ADAM12: variants seen among roughly 807,000 people sequenced by gnomAD.
ADAM12 encodes ADAM metallopeptidase domain 12, also known as disintegrin and metalloproteinase domain-containing protein 12.
ADAM12 carries 70 observed loss-of-function variants against 106.4 expected under a neutral mutation model. That is an observed-to-expected ratio of 0.66 (90% confidence interval 0.54 to 0.80). The LOEUF (loss-of-function observed/expected upper bound fraction) is 0.80. Among genes scored for constraint, ADAM12 ranks in the 30% least tolerant of loss-of-function variants. ADAM12 has a pLI of 0.00. For synonymous variants in ADAM12, 420 were observed against 433.5 expected (o/e 0.97, Z 0.39); for missense variants, 1,010 against 1,171.9 (o/e 0.86, Z 2.02).
intron 3 of ADAM12, among the ~76,000 whole-genome samples, chr10:126,167,698 A>G (rs905794745): frequency 7.2e-5 from 11 of 152,258 alleles, no homozygotes; most frequent in African/African-American, 2.4e-4. Flanking sequence ...TCTATAGACT[A>G]GAAGCAAAGT....
At chr10:126,192,378 G>A (rs942133151) in intron 3 of ADAM12, among the ~76,000 whole-genome samples, 3 of 152,204 alleles carry the variant, frequency 2.0e-5, no homozygotes, top group Non-Finnish European at 2.9e-5. Context: ...CACCCTGTCT[G>A]CTGGAGGCAC....
chr10:126,369,379 C>A (rs6597765), intron 1 of ADAM12, among the ~76,000 whole-genome samples: 145,502 of 152,278 alleles, frequency 0.96, 69,872 homozygotes, highest in East Asian at 1. Flanking sequence ...GAAGACAAAC[C>A]GTTGATTAGA....
rs572965756 is a variant in ADAM12, at chr10:126,049,309, C to T, written c.1861G>A (p.Asp621Asn). 10 of 1,614,258 alleles carry T rather than the reference C, an allele frequency of 6.2e-6. No homozygotes were observed. The highest frequency in any genetic ancestry group is 1.6e-4 in the Middle Eastern group (1 of 6,062). The change falls in exon 16 of 23, where the codon GAT becomes AAT. Residue 621 changes from aspartate to asparagine, a missense_variant. Asp to Asn is a conservative substitution (Grantham distance 23, BLOSUM62 1). Around this residue, in one of 3 missense-constraint regions of ADAM12, gnomAD observed 615 missense variants for 708.5 expected, o/e 0.87. Coordinates refer to ENST00000448723, the MANE Select transcript of ADAM12 (RefSeq NM_001288973.2). This position sits in a 1 kb window ranked among gnomAD's most constrained non-coding sequence, Gnocchi z 4.4. ...ACAAGCCCTGGGTCCGGCATGTCAT[C>T]GCCCAAGTACACGTGGGTCCCCCGG... is the stretch of plus-strand genomic sequence containing the variant. ...LCRGTHVYLG[D>N]DMPDPGLVLA...
At chr10:126,275,080 G>C (rs778651107) in intron 3 of ADAM12, among the ~76,000 whole-genome samples, 26 of 152,156 alleles carry the variant, frequency 1.7e-4, no homozygotes, top group Non-Finnish European at 3.1e-4. Flanking sequence ...ACTTCCCATG[G>C]CAAGTGCCTT....
At position 126,064,832 on chromosome 10, in the gene ADAM12, T is replaced by C; in HGVS notation, c.1583A>G (p.Gln528Arg). 6.2e-7 allele frequency: 1 copy of C among 1,610,080 alleles called. No individual in the cohort carries two copies. The highest frequency in any genetic ancestry group is 8.5e-7 in the Non-Finnish European group (1 of 1,178,336). ...CYNGICQTHE[Q>R]QCVTLWGPGA... The stretch of plus-strand genomic sequence containing the variant: ...TGGTCCCCAGAGCGTGACACACTGC[T>C]GCTCGTGAGTCTGGCAGATGCCATT... The change falls in exon 14 of 23, where the codon CAG (glutamine) becomes CGG (arginine). Residue 528 changes from glutamine to arginine, a missense_variant. By Grantham distance (43) the Gln-to-Arg change is conservative. This residue lies in a region of ADAM12 where 615 missense variants were observed against 708.5 expected (regional missense o/e 0.87). Coordinates refer to ENST00000448723, the MANE Select transcript of ADAM12 (RefSeq NM_001288973.2). The surrounding 1 kb of genome is among the most constrained non-coding windows in gnomAD (Gnocchi z 4.4).
At chr10:126,019,605 C>T (rs1953723205) in intron 22 of ADAM12, 90 bp downstream of exon 22, 19 of 1,516,752 alleles carry the variant, frequency 1.3e-5, no homozygotes, top group Non-Finnish European at 1.6e-5. Context: ...CGGCCTAGAC[C>T]ACTGCACCCC....
chr10:126,302,253 T>C (rs984689027), intron 2 of ADAM12, among the ~76,000 whole-genome samples: 1 of 152,212 alleles, frequency 6.6e-6, no homozygotes, highest in Non-Finnish European at 1.5e-5. Flanking sequence ...AAGTTAAGCC[T>C]TCAGCCTTTG....
In ADAM12 at chr10:126,016,575, G is replaced by T. The variant is rs181030561; in HGVS notation, c.*704C>A. On this transcript the variant is annotated 3_prime_UTR_variant, in exon 23 of 23. Coordinates refer to ENST00000448723, the MANE Select transcript of ADAM12 (RefSeq NM_001288973.2). ...ACAGACCCCTTCCAAACATGCTCAC[G>T]GCTGGTCAGCTCAGGGTCAAGTTCT... The T allele has an allele frequency of 1.3e-5, 2 of 152,302 alleles. No individual in the cohort carries two copies. Among genetic ancestry groups the T allele is most frequent in the African/African-American group, 4.8e-5 (2 of 41,440 alleles). The allele number at this position is 152,302 out of a possible 1,614,324, so 9.4% of individuals were successfully genotyped here.
chr10:126,256,001 C>G (rs975533928), intron 3 of ADAM12, among the ~76,000 whole-genome samples: 1 of 152,192 alleles, frequency 6.6e-6, no homozygotes, highest in Non-Finnish European at 1.5e-5. Context: ...AAAGGAATAT[C>G]TTCACTCGCC....
chr10:126,150,926 T>A (rs1956718252), intron 4 of ADAM12, among the ~76,000 whole-genome samples: 1 of 152,204 alleles, frequency 6.6e-6, no homozygotes, highest in Non-Finnish European at 1.5e-5. Context: ...TGTTACTTCC[T>A]TAGTGAAATG....
rs1028459985 is a variant in ADAM12, at chr10:126,016,621, C to G, written c.*658G>C. ...GTTCTGGCTTGTCTAGTGTTCCAGT[C>G]TCTATCCTGGTGTGGCTACACCTTA... On this transcript the variant is annotated 3_prime_UTR_variant, in exon 23 of 23. Coordinates refer to ENST00000448723, the MANE Select transcript of ADAM12 (RefSeq NM_001288973.2). 8 of 152,454 alleles carry G rather than the reference C, an allele frequency of 5.2e-5. No homozygotes were observed. The highest frequency in any genetic ancestry group is 1.9e-4 in the African/African-American group (8 of 41,578). 9.4% of individuals were successfully genotyped at this position (152,454 alleles called of 1,614,324 possible).
At chr10:126,207,943 G>A (rs1364720601) in intron 3 of ADAM12, among the ~76,000 whole-genome samples, 1 of 152,126 alleles carries the variant, frequency 6.6e-6, no homozygotes, top group Non-Finnish European at 1.5e-5. Flanking sequence ...AGCCTTGCAA[G>A]GAACAACATA....
chr10:126,176,737 A>G (rs1288239473), intron 3 of ADAM12, among the ~76,000 whole-genome samples: 1 of 151,964 alleles, frequency 6.6e-6, no homozygotes, highest in Admixed American at 6.6e-5. Context: ...CTTAATTCCT[A>G]ACGGCTCTGA....
At chr10:126,079,942 G>A (rs1305028606) in intron 11 of ADAM12, among the ~76,000 whole-genome samples, 1 of 152,146 alleles carries the variant, frequency 6.6e-6, no homozygotes, top group Non-Finnish European at 1.5e-5. Flanking sequence ...AGATGCTACT[G>A]ATCTGATTTT....
intron 2 of ADAM12, among the ~76,000 whole-genome samples, chr10:126,295,556 C>CACACACAT (rs1249989631): frequency 6.6e-6 from 1 of 151,918 alleles, no homozygotes; most frequent in Admixed American, 6.6e-5. Context: ...CATACACACA[C>CACACACAT]ACACACACAC....
At chr10:126,148,622 T>C (rs147062059) in intron 4 of ADAM12, among the ~76,000 whole-genome samples, 112 of 152,334 alleles carry the variant, frequency 7.4e-4, no homozygotes, top group African/African-American at 2.5e-3. Flanking sequence ...AAAAGCAACA[T>C]GTGCTTGATG....
At chr10:126,124,228 T>A (rs116216903) in intron 5 of ADAM12, among the ~76,000 whole-genome samples, 15 of 152,182 alleles carry the variant, frequency 9.9e-5, no homozygotes, top group African/African-American at 3.4e-4. Context: ...AAAAGACTTT[T>A]GGTCTCAGTG....
At chr10:126,036,622 G>A (rs368686526) in intron 20 of ADAM12, among the ~76,000 whole-genome samples, 8 of 152,282 alleles carry the variant, frequency 5.3e-5, no homozygotes, top group African/African-American at 1.9e-4. Context: ...AAAGTACCAA[G>A]TATAAAGAAA....
chr10:126,381,510 T>G (rs1013029828), intron 1 of ADAM12, among the ~76,000 whole-genome samples: 4 of 152,044 alleles, frequency 2.6e-5, no homozygotes, highest in Non-Finnish European at 5.9e-5. Context: ...AAAAAAAAAC[T>G]TTTGAGACAG....
Sources: gnomAD v4.1 joint callset for allele counts (sites outside exome capture counted in the v4.1 genomes callset) on GRCh38, gnomAD v4.1.1 for gene constraint, gnomAD v4.1.1 regional missense constraint, Gnocchi (gnomAD v3.1) non-coding constraint, MANE v1.5 for transcripts, NCBI Gene and HGNC (gene_info 2026-07-23, HGNC 2026-07-21) for gene names.